Variants in SUSD1 observed in about 807,000 individuals in gnomAD.
SUSD1 encodes the protein sushi domain-containing protein 1.
In SUSD1, 65 loss-of-function variants were observed where a neutral mutation model predicts 86.9. The ratio of observed to expected loss-of-function variants is 0.75; its 90% CI spans 0.61 to 0.92. SUSD1 has a LOEUF of 0.92. SUSD1 is among the 40% of genes least tolerant of loss of function. The pLI is 0.00. For missense variants in SUSD1, 850 were observed against 929.7 expected (o/e 0.91, Z 1.11); for synonymous variants, 346 against 350.0 (o/e 0.99, Z 0.13).
chr9:112,050,302 A>T (rs534886037), intron 15 of SUSD1, among the ~76,000 whole-genome samples: 1 of 152,200 alleles, frequency 6.6e-6, no homozygotes, highest in South Asian at 2.1e-4. Context: ...GTCATCAGCA[A>T]TCCAAGATGG....
chr9:112,110,704 TTTAA>T (rs1288466003), intron 8 of SUSD1, among the ~76,000 whole-genome samples: 1 of 151,926 alleles, frequency 6.6e-6, no homozygotes, highest in Non-Finnish European at 1.5e-5. Context: ...CTACAAGGTA[TTTAA>T]TTAGTCCTCA....
chr9:112,073,093 G>A (rs887458922), intron 12 of SUSD1, among the ~76,000 whole-genome samples: 1 of 152,258 alleles, frequency 6.6e-6, no homozygotes, highest in African/African-American at 2.4e-5. Context: ...ATCCCATTGT[G>A]GAGGGCGGTG....
chr9:112,053,513 C>CAAA lies in SUSD1; in HGVS notation c.2110-1078_2110-1076dup, dbSNP rs56987871. 5.7e-3 allele frequency among the ~76,000 whole-genome samples: 438 copies of CAAA among 76,270 alleles called. 11 individuals are homozygous for CAAA. Among genetic ancestry groups the CAAA allele is most frequent in the Middle Eastern group, 0.045 (5 of 110 alleles). 50.0% of individuals were successfully genotyped at this position (76,270 alleles called of 152,430 possible). A position where few individuals can be genotyped will look rare whatever the true frequency, so the allele number is the denominator to read the frequency against. On this transcript the variant is annotated intron_variant, in intron 14 of 16. Coordinates refer to ENST00000374270, the MANE Select transcript of SUSD1 (RefSeq NM_022486.5). ...TGGGCAACAGAATGAGACTTCGTCT[C>CAAA]AAAAAAAAAAAAAAAAAAAAAAAAA...
intron 13 of SUSD1, among the ~76,000 whole-genome samples, chr9:112,061,470 G>T (rs765657458): frequency 2.8e-4 from 43 of 152,184 alleles, no homozygotes; most frequent in Admixed American, 6.5e-4. Context: ...TCCACTTCCT[G>T]TTTTGGAGGC....
chr9:112,051,422 TTTTTTTTTTTTG>T (rs1013580635), intron 15 of SUSD1, among the ~76,000 whole-genome samples: 5 of 122,740 alleles, frequency 4.1e-5, no homozygotes, highest in East Asian at 2.2e-4. Context: ...TTTTTTTTTT[TTTTTTTTTTTTG>T]TTGTTGTTGT....
chr9:112,099,673 A>C (rs1830545254), intron 9 of SUSD1, among the ~76,000 whole-genome samples: 1 of 152,226 alleles, frequency 6.6e-6, no homozygotes, highest in South Asian at 2.1e-4. Flanking sequence ...GCCCTTGATC[A>C]GTTAGGGTGC....
At chr9:112,054,252 T>G (rs548459451) in intron 14 of SUSD1, among the ~76,000 whole-genome samples, 33 of 152,200 alleles carry the variant, frequency 2.2e-4, no homozygotes, top group African/African-American at 5.8e-4. Flanking sequence ...TGTCAAATAA[T>G]AGTTAACAAG....
intron 10 of SUSD1, among the ~76,000 whole-genome samples, chr9:112,096,959 AG>A (rs1830420424): frequency 6.6e-6 from 1 of 152,150 alleles, no homozygotes; most frequent in African/African-American, 2.4e-5. Context: ...TGATGTCATG[AG>A]GTGCTCCTTG....
intron 12 of SUSD1, among the ~76,000 whole-genome samples, chr9:112,071,700 CT>C: frequency 6.6e-6 from 1 of 152,136 alleles, no homozygotes; most frequent in Non-Finnish European, 1.5e-5. Context: ...CAACTTTGTA[CT>C]GCAAACTTCA....
At chr9:112,164,801 G>C (rs150940591) in intron 1 of SUSD1, among the ~76,000 whole-genome samples, 3 of 152,062 alleles carry the variant, frequency 2.0e-5, no homozygotes, top group African/African-American at 7.2e-5. Context: ...AAAACTAGCC[G>C]GGTTTGGTGG....
intron 12 of SUSD1, among the ~76,000 whole-genome samples, chr9:112,071,658 A>T (rs75636853): frequency 0.022 from 3,345 of 152,232 alleles, 60 homozygotes; most frequent in Non-Finnish European, 0.033. Context: ...ATGGAAGAAA[A>T]TTTTATCTGC....
chr9:112,135,824 T>A lies in SUSD1; in HGVS notation c.706+6496A>T, dbSNP rs115119965. Among the ~76,000 whole-genome samples the A allele has an allele frequency of 8.0e-3, 1,217 of 152,334 alleles. 23 individuals carry two copies. The highest frequency in any genetic ancestry group is 0.028 in the African/African-American group (1,169 of 41,578). ...TGCACTAGGCACAGGGCCAAGGGCT[T>A]TATTCATTATCCGATTAAATCTTCA... On this transcript the variant is annotated intron_variant, in intron 5 of 16. Transcript: ENST00000374270.
At chr9:112,065,904 T>C (rs1229020903) in intron 12 of SUSD1, among the ~76,000 whole-genome samples, 1 of 152,240 alleles carries the variant, frequency 6.6e-6, no homozygotes, top group Non-Finnish European at 1.5e-5. Flanking sequence ...CGTCAGCGCC[T>C]GTTGGCACCT....
intron 1 of SUSD1, among the ~76,000 whole-genome samples, chr9:112,174,328 A>ATGT (rs1834176007): frequency 6.6e-6 from 1 of 151,702 alleles, no homozygotes; most frequent in Non-Finnish European, 1.5e-5. Context: ...TGCCCTCACC[A>ATGT]CCCACACCTT....
chr9:112,135,290 C>A (rs1486401403), intron 5 of SUSD1, among the ~76,000 whole-genome samples: 1 of 152,140 alleles, frequency 6.6e-6, no homozygotes, highest in African/African-American at 2.4e-5. Flanking sequence ...CCTTGACTAA[C>A]AATATATTTT....
intron 10 of SUSD1, among the ~76,000 whole-genome samples, chr9:112,098,191 T>C (rs1210927907): frequency 6.6e-6 from 1 of 152,136 alleles, no homozygotes; most frequent in East Asian, 1.9e-4. Context: ...GGGTGAGAGA[T>C]AAAATGCTTT....
chr9:112,093,140 A>G (rs922832136), intron 10 of SUSD1, among the ~76,000 whole-genome samples: 2 of 152,152 alleles, frequency 1.3e-5, no homozygotes, highest in African/African-American at 4.8e-5. Flanking sequence ...AAAGGTTGCT[A>G]TTTACCTGTC....
chr9:112,145,088 A>C (rs1482236941), intron 3 of SUSD1, among the ~76,000 whole-genome samples: 2 of 152,216 alleles, frequency 1.3e-5, no homozygotes, highest in African/African-American at 4.8e-5. Flanking sequence ...AAAAATAATA[A>C]TAATACTATT....
chr9:112,102,530 C>T (rs561830524), intron 8 of SUSD1, among the ~76,000 whole-genome samples: 8 of 152,296 alleles, frequency 5.3e-5, no homozygotes, highest in Admixed American at 2.6e-4. Flanking sequence ...ATTCAGCTTG[C>T]TTTTCTTATG....
Sources: allele counts gnomAD v4.1 joint callset (sites outside exome capture counted in the v4.1 genomes callset), GRCh38; gene constraint gnomAD v4.1.1; transcripts MANE v1.5; gene names NCBI Gene and HGNC (gene_info 2026-07-23, HGNC 2026-07-21).